Variants in NLGN4X observed in about 807,000 individuals in gnomAD.
NLGN4X encodes neuroligin 4 X-linked.
NLGN4X carries 3 observed loss-of-function variants against 40.3 expected under a neutral mutation model. The ratio of observed to expected loss-of-function variants is 0.07; its 90% CI spans 0.03 to 0.19. The LOEUF is 0.19. NLGN4X is among the 10% of genes least tolerant of loss of function. NLGN4X has a pLI of 1.00. For missense variants in NLGN4X, 382 were observed against 708.3 expected, an observed-to-expected ratio of 0.54 and a Z score of 5.23; for synonymous variants, 270 against 306.8, an observed-to-expected ratio of 0.88 and a Z score of 1.25.
At chrX:6,078,066 T>G (rs1473939115) in intron 2 of NLGN4X, among the ~76,000 whole-genome samples, 2 of 111,752 alleles carry the variant, frequency 1.8e-5, no homozygotes, top group Non-Finnish European at 3.8e-5. Flanking sequence ...AGTCAGAACT[T>G]GTGTCTGGGA....
chrX:5,894,795 C>T (rs1490761413), intron 5 of NLGN4X, among the ~76,000 whole-genome samples: 1 of 111,594 alleles, frequency 9.0e-6, no homozygotes, highest in Admixed American at 9.5e-5. Flanking sequence ...AAAACAATTA[C>T]GTCTTAAGGT....
chrX:6,069,681 A>C (rs2038012369), intron 2 of NLGN4X, among the ~76,000 whole-genome samples: 1 of 111,999 alleles, frequency 8.9e-6, no homozygotes, highest in South Asian at 3.7e-4. Flanking sequence ...TAAACACTTT[A>C]CTGTGGAAAT....
At chrX:5,985,594 G>T (rs910273765) in intron 3 of NLGN4X, among the ~76,000 whole-genome samples, 1 of 111,565 alleles carries the variant, frequency 9.0e-6, no homozygotes, top group African/African-American at 3.3e-5. Context: ...TGGCCTGAAT[G>T]ATTTTTTAAA....
At chrX:6,080,384 T>G (rs5916286) in intron 2 of NLGN4X, among the ~76,000 whole-genome samples, 50,810 of 109,879 alleles carry the variant, frequency 0.46, 8,645 homozygotes, top group Admixed American at 0.51. Context: ...GGTCACAGAC[T>G]TCTTTGAGGA....
At chrX:6,133,537 G>A (rs2039733779) in intron 2 of NLGN4X, among the ~76,000 whole-genome samples, 1 of 111,647 alleles carries the variant, frequency 9.0e-6, no homozygotes, top group Non-Finnish European at 1.9e-5. Context: ...AGGAGTATCT[G>A]TTTATATGTG....
At chrX:5,997,585 TGTATATATATATACAC>T (rs1430049130) in intron 3 of NLGN4X, among the ~76,000 whole-genome samples, 2 of 49,944 alleles carry the variant, frequency 4.0e-5, no homozygotes, top group East Asian at 6.5e-4. Context: ...TGTGTGTGTG[TGTATATATATATACAC>T]ATATATATAT....
intron 3 of NLGN4X, among the ~76,000 whole-genome samples, chrX:5,987,967 C>T (rs975518114): frequency 9.0e-6 from 1 of 111,625 alleles, no homozygotes; most frequent in African/African-American, 3.3e-5. Flanking sequence ...GTCCTAGCTA[C>T]TCAGGAGGCT....
At chrX:6,162,518 G>A in intron 1 of NLGN4X, among the ~76,000 whole-genome samples, 1 of 111,732 alleles carries the variant, frequency 8.9e-6, no homozygotes, top group Non-Finnish European at 1.9e-5. Flanking sequence ...TTTCTCCTGT[G>A]CTAGATGCTT....
At chrX:6,059,682 T>C (rs2037722932) in intron 2 of NLGN4X, among the ~76,000 whole-genome samples, 1 of 111,365 alleles carries the variant, frequency 9.0e-6, no homozygotes, top group Non-Finnish European at 1.9e-5. Context: ...TAATGGATTG[T>C]GAAGAGGTCA....
At chrX:5,925,895 T>TATATATACATACAC (rs2033281967) in intron 3 of NLGN4X, among the ~76,000 whole-genome samples, 4 of 16,972 alleles carry the variant, frequency 2.4e-4, no homozygotes, top group Admixed American at 1.2e-3. Context: ...TATATATATA[T>TATATATACATACAC]ATATATATAT....
At chrX:5,927,854 C>T (rs2033392775) in intron 3 of NLGN4X, among the ~76,000 whole-genome samples, 1 of 112,533 alleles carries the variant, frequency 8.9e-6, no homozygotes, top group Non-Finnish European at 1.9e-5. Flanking sequence ...AAACTCGTCT[C>T]TTTTCTTATT....
At chrX:6,136,798 C>G (rs989704518) in intron 2 of NLGN4X, among the ~76,000 whole-genome samples, 3 of 111,812 alleles carry the variant, frequency 2.7e-5, no homozygotes, top group Non-Finnish European at 5.6e-5. Flanking sequence ...AAATGCCAGC[C>G]CTGAGAGACT....
intron 1 of NLGN4X, among the ~76,000 whole-genome samples, chrX:6,181,646 T>C (rs1425223190): frequency 9.0e-6 from 1 of 111,652 alleles, no homozygotes; most frequent in Non-Finnish European, 1.9e-5. Flanking sequence ...ACCTCAGGTC[T>C]CTCTCCTTCT....
At chrX:6,148,998 T>C (rs2040110979) in intron 2 of NLGN4X, among the ~76,000 whole-genome samples, 2 of 112,132 alleles carry the variant, frequency 1.8e-5, no homozygotes, top group Admixed American at 1.9e-4. Flanking sequence ...TCAGTCACTA[T>C]TAGATTTCTG....
chrX:6,136,736 G>A (rs2039827942), intron 2 of NLGN4X, among the ~76,000 whole-genome samples: 1 of 112,215 alleles, frequency 8.9e-6, no homozygotes, highest in Admixed American at 9.5e-5. Context: ...CCAATGTCCT[G>A]CCTACACTCA....
intron 2 of NLGN4X, among the ~76,000 whole-genome samples, chrX:6,029,679 C>T (rs948223207): frequency 1.1e-5 from 1 of 87,817 alleles, no homozygotes; most frequent in Non-Finnish European, 2.5e-5. Flanking sequence ...CTCATCTAAG[C>T]TTCTATATAT....
At chrX:6,056,976 T>C (rs927098773) in intron 2 of NLGN4X, among the ~76,000 whole-genome samples, 2 of 112,000 alleles carry the variant, frequency 1.8e-5, no homozygotes, top group Non-Finnish European at 3.8e-5. Flanking sequence ...GAAGTGACTT[T>C]GGCGATGCTA....
chrX:6,015,481 G>A (rs1191879800), intron 3 of NLGN4X, among the ~76,000 whole-genome samples: 2 of 111,179 alleles, frequency 1.8e-5, no homozygotes, highest in African/African-American at 3.3e-5. Context: ...GTAAGGAACG[G>A]AGGGATGCCT....
intron 1 of NLGN4X, among the ~76,000 whole-genome samples, chrX:6,184,229 G>C (rs1260736879): frequency 8.9e-6 from 1 of 112,047 alleles, no homozygotes; most frequent in East Asian, 2.8e-4. Flanking sequence ...TAAGAAATTA[G>C]TGAAGACACA....
Sources: gnomAD v4.1 joint callset for allele counts (sites outside exome capture counted in the v4.1 genomes callset) on GRCh38, gnomAD v4.1.1 for gene constraint, MANE v1.5 for transcripts, NCBI Gene and HGNC (gene_info 2026-07-23, HGNC 2026-07-21) for gene names.